BZW2: variants seen among roughly 807,000 people sequenced by gnomAD.
BZW2 encodes eIF5-mimic protein 1.
In BZW2, 23 loss-of-function variants were observed where a neutral mutation model predicts 53.2. The ratio of observed to expected loss-of-function variants is 0.43; its 90% CI spans 0.31 to 0.61. The LOEUF (loss-of-function observed/expected upper bound fraction) is 0.61. Among genes scored for constraint, BZW2 ranks in the 20% least tolerant of loss-of-function variants. The pLI is 0.09. For missense variants in BZW2, 409 were observed against 503.1 expected (o/e 0.81, Z 1.79); for synonymous variants, 227 against 186.4 (o/e 1.22, Z -1.77).
intron 1 of BZW2, among the ~76,000 whole-genome samples, chr7:16,657,840 T>C (rs1448417412): frequency 6.6e-6 from 1 of 152,202 alleles, no homozygotes; most frequent in African/African-American, 2.4e-5. Context: ...CATTGTTTCC[T>C]CTCTACAGTA....
chr7:16,671,675 A>C (rs1307327360), intron 2 of BZW2, among the ~76,000 whole-genome samples: 2 of 152,164 alleles, frequency 1.3e-5, no homozygotes, highest in Non-Finnish European at 2.9e-5. Context: ...TCATGCCTGT[A>C]ATCCGAGTAC....
chr7:16,688,024 C>T (rs367878235), intron 6 of BZW2, among the ~76,000 whole-genome samples: 1 of 150,940 alleles, frequency 6.6e-6, no homozygotes, highest in Admixed American at 6.6e-5. Context: ...TTGTTATAGC[C>T]GTTTTTGTTT....
intron 1 of BZW2, among the ~76,000 whole-genome samples, chr7:16,648,934 A>G (rs1214619481): frequency 6.6e-6 from 1 of 152,204 alleles, no homozygotes; most frequent in African/African-American, 2.4e-5. Flanking sequence ...GGAAATATAC[A>G]TGCTAGTAAA....
chr7:16,652,323 T>A (rs1049847054), intron 1 of BZW2, among the ~76,000 whole-genome samples: 48 of 152,160 alleles, frequency 3.2e-4, no homozygotes, highest in African/African-American at 1.1e-3. Context: ...TCATATGTTG[T>A]CTTTAAACAT....
intron 3 of BZW2, among the ~76,000 whole-genome samples, chr7:16,678,875 G>T (rs1410856958): frequency 2.0e-5 from 3 of 152,034 alleles, no homozygotes; most frequent in African/African-American, 4.8e-5. Context: ...TTTTATTAGC[G>T]ATTTCCAAAG....
intron 10 of BZW2, among the ~76,000 whole-genome samples, chr7:16,699,993 C>T (rs1434856213): frequency 6.6e-6 from 1 of 152,074 alleles, no homozygotes; most frequent in Non-Finnish European, 1.5e-5. Context: ...AGGTAATCAG[C>T]GTTTAAATAA....
chr7:16,677,051 C>CTA (rs751191806), intron 3 of BZW2, among the ~76,000 whole-genome samples: 8 of 130,072 alleles, frequency 6.2e-5, no homozygotes, highest in Admixed American at 3.2e-4. Flanking sequence ...GCCCAGATTT[C>CTA]TTTTTTTTTT....
At chr7:16,665,049 C>T (rs967325123) in intron 1 of BZW2, among the ~76,000 whole-genome samples, 3 of 152,132 alleles carry the variant, frequency 2.0e-5, no homozygotes, top group East Asian at 1.9e-4. Flanking sequence ...CCGTGGCTCA[C>T]GCCTGTAATC....
intron 1 of BZW2, among the ~76,000 whole-genome samples, chr7:16,664,224 G>A (rs1044709268): frequency 7.9e-5 from 12 of 152,182 alleles, no homozygotes; most frequent in Non-Finnish European, 1.3e-4. Flanking sequence ...GAGCTCTATG[G>A]AATAAAAACC....
chr7:16,683,622 C>A (rs1299628046), intron 5 of BZW2, among the ~76,000 whole-genome samples: 4 of 152,234 alleles, frequency 2.6e-5, no homozygotes, highest in South Asian at 4.1e-4. Context: ...TCTTTCTCAT[C>A]AGTGAAATCC....
At chr7:16,669,617 G>A (rs1782539369) in intron 2 of BZW2, among the ~76,000 whole-genome samples, 1 of 143,698 alleles carries the variant, frequency 7.0e-6, no homozygotes, top group African/African-American at 2.4e-5. Context: ...ACATCTCAGT[G>A]ACATCCAGAA....
In BZW2 at chr7:16,686,049, G is replaced by T; in HGVS notation, c.541+9G>T. ...CAGCTTAGTCAAAGAAGGTAACGAG[G>T]CTCCTGTTTTCTCGCCTGTCAGACA... is the stretch of plus-strand genomic sequence containing the variant. On this transcript the variant is annotated intron_variant, in intron 6 of 11. Transcript: ENST00000258761. 1 of 1,611,518 alleles carries T rather than the reference G, an allele frequency of 6.2e-7. No homozygotes were observed. Among genetic ancestry groups the T allele is most frequent in the Non-Finnish European group, 8.5e-7 (1 of 1,179,226 alleles).
At chr7:16,666,058 A>C (rs1562480369) in intron 2 of BZW2, among the ~76,000 whole-genome samples, 1 of 152,050 alleles carries the variant, frequency 6.6e-6, no homozygotes, top group East Asian at 1.9e-4. Context: ...CTGTTTTTTT[A>C]TAATGTTCAT....
chr7:16,701,765 T>TGC (rs1783676086), intron 10 of BZW2, among the ~76,000 whole-genome samples: 1 of 152,216 alleles, frequency 6.6e-6, no homozygotes, highest in African/African-American at 2.4e-5. Context: ...AGGGCAGGTC[T>TGC]TTCATTAAAT....
At chr7:16,702,451 C>G (rs2128371432) in intron 10 of BZW2, among the ~76,000 whole-genome samples, 1 of 152,278 alleles carries the variant, frequency 6.6e-6, no homozygotes, top group African/African-American at 2.4e-5. Context: ...TTTAAATTCT[C>G]CTTCCTATTC....
intron 1 of BZW2, among the ~76,000 whole-genome samples, chr7:16,652,162 G>A (rs1326641987): frequency 6.6e-6 from 1 of 152,260 alleles, no homozygotes; most frequent in African/African-American, 2.4e-5. Flanking sequence ...ACATCTCAGT[G>A]CCTTATCTGA....
chr7:16,698,784 A>G (rs1733089157), intron 10 of BZW2, among the ~76,000 whole-genome samples: 1 of 152,254 alleles, frequency 6.6e-6, no homozygotes, highest in Non-Finnish European at 1.5e-5. Context: ...GTATACCTAC[A>G]GCATACAGAA....
At chr7:16,677,199 A>G (rs1256814728) in intron 3 of BZW2, among the ~76,000 whole-genome samples, 1 of 152,100 alleles carries the variant, frequency 6.6e-6, no homozygotes, top group Non-Finnish European at 1.5e-5. Context: ...CTGTGCTCTC[A>G]GGCAATAGAT....
intron 2 of BZW2, among the ~76,000 whole-genome samples, chr7:16,668,813 T>C (rs114466805): frequency 2.0e-3 from 300 of 152,350 alleles, no homozygotes; most frequent in African/African-American, 6.9e-3. Context: ...CAGGACACAT[T>C]ATATAATAGA....
Sources: allele counts gnomAD v4.1 joint callset (sites outside exome capture counted in the v4.1 genomes callset), GRCh38; gene constraint gnomAD v4.1.1; transcripts MANE v1.5; gene names NCBI Gene and HGNC (gene_info 2026-07-23, HGNC 2026-07-21).